Variants in PTPRD observed in about 807,000 individuals in gnomAD.
PTPRD encodes protein tyrosine phosphatase receptor type D, also known as receptor-type tyrosine-protein phosphatase delta.
In PTPRD, 34 loss-of-function variants were observed where a neutral mutation model predicts 214.5. That is an observed-to-expected ratio of 0.16 (90% CI 0.12 to 0.21). The LOEUF is 0.21. PTPRD is among the 10% of genes least tolerant of loss of function. The pLI, the probability that PTPRD is intolerant of heterozygous loss-of-function variation, is 1.00. For missense variants in PTPRD, 2,545 were observed against 2,398.7 expected, an observed-to-expected ratio of 1.06 and a Z score of -1.27; for synonymous variants, 1,128 against 845.7, an observed-to-expected ratio of 1.33 and a Z score of -5.79.
At chr9:8,472,099 A>G (rs1198719448) in intron 30 of PTPRD, among the ~76,000 whole-genome samples, 2 of 152,202 alleles carry the variant, frequency 1.3e-5, no homozygotes, top group African/African-American at 2.4e-5. Flanking sequence ...AAAAAGACAG[A>G]TCTGTAGAGA....
chr9:10,561,735 T>G (rs2064025444), intron 2 of PTPRD, among the ~76,000 whole-genome samples: 1 of 152,150 alleles, frequency 6.6e-6, no homozygotes, highest in Admixed American at 6.6e-5. Context: ...TGACATAATC[T>G]TTCTGCACTC....
In PTPRD at chr9:9,158,197, G is replaced by T. The variant is rs185998738; in HGVS notation, c.-143+25107C>A. Among the ~76,000 whole-genome samples, 41 of 152,258 alleles carry T rather than the reference G, an allele frequency of 2.7e-4. No homozygotes were observed. In the South Asian group the frequency reaches 4.1e-3, roughly 15 times the overall value. On this transcript the variant is annotated intron_variant, in intron 10 of 45. Transcript: ENST00000381196. ...TGAACATACATGTATCTTTATAACA[G>T]AATTATTTATATTCCTGGCTATGTG...
At chr9:9,246,378 C>T (rs1354103538) in intron 9 of PTPRD, among the ~76,000 whole-genome samples, 3 of 152,054 alleles carry the variant, frequency 2.0e-5, no homozygotes, top group Non-Finnish European at 4.4e-5. Context: ...TCAGAAAAAT[C>T]ACCAGATTAG....
rs1041055384 is a variant in PTPRD, at chr9:8,806,384, T to C, written c.-103-72438A>G. Among the ~76,000 whole-genome samples the C allele has an allele frequency of 5.3e-4, 81 of 152,042 alleles. 1 individual carries two copies. The highest frequency in any genetic ancestry group is 1.9e-3 in the African/African-American group (79 of 41,386). ...ATTGATTTCAAAATTCAAACTGCAATCATATAATTTTTTGAAAAAAACACA... is the reference window on the plus strand; with the variant it reads ...ATTGATTTCAAAATTCAAACTGCAACCATATAATTTTTTGAAAAAAACACA... On this transcript the variant is annotated intron_variant, in intron 11 of 45. Transcript: ENST00000381196.
intron 2 of PTPRD, among the ~76,000 whole-genome samples, chr9:10,417,024 G>A (rs950527241): frequency 2.6e-5 from 4 of 151,876 alleles, no homozygotes; most frequent in Non-Finnish European, 5.9e-5. Flanking sequence ...TTGAATAGTA[G>A]AGGGTGTTGA....
chr9:9,062,845 G>C (rs377096041), intron 10 of PTPRD, among the ~76,000 whole-genome samples: 60 of 152,090 alleles, frequency 3.9e-4, no homozygotes, highest in African/African-American at 1.3e-3. Flanking sequence ...TGCCATCCCA[G>C]GCAGCTCGTA....
intron 5 of PTPRD, among the ~76,000 whole-genome samples, chr9:9,836,803 A>G (rs1001247014): frequency 6.6e-6 from 1 of 152,192 alleles, no homozygotes. Context: ...GACTTACTAT[A>G]TGTAAAACAC....
chr9:8,690,428 G>A (rs189833308), intron 12 of PTPRD, among the ~76,000 whole-genome samples: 1 of 151,708 alleles, frequency 6.6e-6, no homozygotes, highest in African/African-American at 2.4e-5. Flanking sequence ...TTGGGAGGCT[G>A]AGGCAGGAGA....
At chr9:10,037,171 C>A (rs964872017) in intron 3 of PTPRD, among the ~76,000 whole-genome samples, 2 of 152,028 alleles carry the variant, frequency 1.3e-5, no homozygotes, top group African/African-American at 4.8e-5. Context: ...GATTACAGCA[C>A]CATGCACCAC....
At chr9:10,049,410 AGAAAG>A (rs143153005) in intron 3 of PTPRD, among the ~76,000 whole-genome samples, 32,344 of 132,468 alleles carry the variant, frequency 0.24, 3,965 homozygotes, top group Middle Eastern at 0.28. Flanking sequence ...AAAAAAAAAA[AGAAAG>A]AAAGAAAGAA....
At chr9:8,506,638 C>G (rs1242672226) in intron 22 of PTPRD, among the ~76,000 whole-genome samples, 3 of 152,042 alleles carry the variant, frequency 2.0e-5, no homozygotes, top group African/African-American at 7.2e-5. Context: ...AGCTCCAGTG[C>G]TACTATAAAA....
chr9:9,416,894 T>C (rs185921577), intron 8 of PTPRD, among the ~76,000 whole-genome samples: 1 of 151,574 alleles, frequency 6.6e-6, no homozygotes, highest in East Asian at 1.9e-4. Context: ...AGATGTTCAC[T>C]GGGAAAATAT....
intron 9 of PTPRD, among the ~76,000 whole-genome samples, chr9:9,378,093 C>T (rs2061275505): frequency 6.6e-6 from 1 of 151,958 alleles, no homozygotes; most frequent in Admixed American, 6.6e-5. Flanking sequence ...TATCCAAAGA[C>T]CACAGTTCAC....
intron 9 of PTPRD, among the ~76,000 whole-genome samples, chr9:9,189,660 AT>A (rs1390296517): frequency 1.3e-5 from 2 of 151,940 alleles, no homozygotes; most frequent in Admixed American, 6.6e-5. Context: ...AACTGCTTTT[AT>A]TTTTTTCTGT....
At chr9:8,457,488 G>T (rs571413989) in intron 33 of PTPRD, among the ~76,000 whole-genome samples, 3 of 151,864 alleles carry the variant, frequency 2.0e-5, no homozygotes, top group South Asian at 4.2e-4. Context: ...TGTATTATAG[G>T]TATACAGATT....
intron 8 of PTPRD, among the ~76,000 whole-genome samples, chr9:9,476,907 G>A (rs1347365092): frequency 6.6e-6 from 1 of 151,660 alleles, no homozygotes; most frequent in African/African-American, 2.4e-5. Context: ...GACTAATTTT[G>A]TATTTTCAGT....
chr9:8,581,649 G>T (rs2093119558), intron 14 of PTPRD, among the ~76,000 whole-genome samples: 1 of 152,140 alleles, frequency 6.6e-6, no homozygotes, highest in Non-Finnish European at 1.5e-5. Flanking sequence ...TTGGGAGGCT[G>T]AGGCAGGAGA....
At chr9:9,413,259 T>C (rs3934313) in intron 8 of PTPRD, among the ~76,000 whole-genome samples, 129,011 of 147,164 alleles carry the variant, frequency 0.88, 56,738 homozygotes, top group African/African-American at 0.92. Context: ...GGACTACAGG[T>C]GCCCGCCACC....
In PTPRD at chr9:8,988,177, G is replaced by GT. The variant is rs1451555740; in HGVS notation, c.-104+30519dup. Among the ~76,000 whole-genome samples the GT allele has an allele frequency of 2.0e-5, 3 of 152,130 alleles. No homozygotes were observed. In the South Asian group the frequency reaches 6.2e-4, roughly 32 times the overall value. Reference sequence around the variant, plus strand: ...TATTATAAAATAAAAATCAAAGATAGTACCCACACCCTCCTCTTGGACTGA... The same window carrying GT: ...TATTATAAAATAAAAATCAAAGATAGTTACCCACACCCTCCTCTTGGACTGA... On this transcript the variant is annotated intron_variant, in intron 11 of 45. Transcript: ENST00000381196.
Sources: gnomAD v4.1 joint callset for allele counts (sites outside exome capture counted in the v4.1 genomes callset) on GRCh38, gnomAD v4.1.1 for gene constraint, MANE v1.5 for transcripts, NCBI Gene and HGNC (gene_info 2026-07-23, HGNC 2026-07-21) for gene names.